The following GALNT14 variants were observed in gnomAD, a reference collection of about 807,000 sequenced individuals.
The protein encoded by GALNT14 is polypeptide N-acetylgalactosaminyltransferase 14.
Under a neutral mutation model 77.5 loss-of-function variants are expected in GALNT14, and 60 were observed. That is an observed-to-expected ratio of 0.77 (90% CI 0.63 to 0.96). GALNT14 has a LOEUF of 0.96. GALNT14 is among the 40% of genes least tolerant of loss of function. GALNT14 has a pLI of 0.00. For synonymous variants in GALNT14, 280 were observed against 281.7 expected, an observed-to-expected ratio of 0.99 and a Z score of 0.06; for missense variants, 710 against 731.0, an observed-to-expected ratio of 0.97 and a Z score of 0.33.
intron 1 of GALNT14, among the ~76,000 whole-genome samples, chr2:31,004,414 A>G (rs1670548976): frequency 1.3e-5 from 2 of 152,236 alleles, no homozygotes; most frequent in Non-Finnish European, 2.9e-5. Context: ...GGATGTAGGT[A>G]GAGCAAAGCT....
At chr2:31,035,947 A>G (rs556452886) in intron 1 of GALNT14, among the ~76,000 whole-genome samples, 4 of 152,110 alleles carry the variant, frequency 2.6e-5, no homozygotes, top group African/African-American at 9.7e-5. Context: ...AATGTGTTCA[A>G]TAAACTCCTA....
chr2:31,137,919 A>G lies in GALNT14; in HGVS notation c.129+39T>C, dbSNP rs1034504552. The G allele has an allele frequency of 5.7e-6, 9 of 1,579,210 alleles. No homozygotes were observed. In the African/African-American group the frequency reaches 6.8e-5, roughly 12 times the overall value. On this transcript the variant is annotated intron_variant, in intron 1 of 14. Transcript: ENST00000349752. Reference sequence around the variant, plus strand: ...CACGCGGGCTGCGCGCCCTCCCGCAAGCCACCGCTCAGCGCCAGCGCGCCG... The same window carrying G: ...CACGCGGGCTGCGCGCCCTCCCGCAGGCCACCGCTCAGCGCCAGCGCGCCG...
intron 9 of GALNT14, among the ~76,000 whole-genome samples, chr2:30,935,578 C>T (rs1371632122): frequency 6.6e-6 from 1 of 152,198 alleles, no homozygotes; most frequent in Non-Finnish European, 1.5e-5. Flanking sequence ...CGCTGTGCTG[C>T]TGCCAGAGTC....
At chr2:31,126,608 C>A (rs1256481903) in intron 1 of GALNT14, 3 of 152,214 alleles carry the variant, frequency 2.0e-5, no homozygotes, top group East Asian at 3.8e-4. Flanking sequence ...GATGCAGAAA[C>A]AAGAAGCGAG....
chr2:31,000,516 T>G (rs1670305539), intron 1 of GALNT14, among the ~76,000 whole-genome samples: 1 of 151,662 alleles, frequency 6.6e-6, no homozygotes, highest in Non-Finnish European at 1.5e-5. Context: ...ATTGGCTGAT[T>G]GATTTCTAGG....
At chr2:30,969,830 C>G (rs1438970304) in intron 2 of GALNT14, among the ~76,000 whole-genome samples, 3 of 152,188 alleles carry the variant, frequency 2.0e-5, no homozygotes, top group Admixed American at 6.5e-5. Context: ...GGGCCCAAGG[C>G]TCTCCTGCTA....
intron 1 of GALNT14, among the ~76,000 whole-genome samples, chr2:31,005,098 G>A (rs1206456389): frequency 6.6e-6 from 1 of 152,210 alleles, no homozygotes; most frequent in Non-Finnish European, 1.5e-5. Context: ...GACACTAAGG[G>A]AATACAAGGA....
At chr2:30,916,938 G>A (rs773703628) in intron 13 of GALNT14, among the ~76,000 whole-genome samples, 65 of 152,038 alleles carry the variant, frequency 4.3e-4, no homozygotes, top group Non-Finnish European at 6.2e-4. Flanking sequence ...TTAGCCAGGT[G>A]TGGTGGCACA....
chr2:31,040,357 G>A (rs1228375700), intron 1 of GALNT14, among the ~76,000 whole-genome samples: 1 of 152,204 alleles, frequency 6.6e-6, no homozygotes, highest in Non-Finnish European at 1.5e-5. Flanking sequence ...GCTAAAGGCA[G>A]AAGCTGCTGG....
At chr2:31,006,778 C>CT (rs1670699571) in intron 1 of GALNT14, among the ~76,000 whole-genome samples, 1 of 152,236 alleles carries the variant, frequency 6.6e-6, no homozygotes, top group Admixed American at 6.5e-5. Context: ...AAGACAGTTT[C>CT]AGAGTCAAGT....
intron 1 of GALNT14, among the ~76,000 whole-genome samples, chr2:31,007,427 C>A (rs1321140060): frequency 6.6e-6 from 1 of 152,112 alleles, no homozygotes; most frequent in Non-Finnish European, 1.5e-5. Context: ...AGTAATTGCT[C>A]CCCAAATGAC....
At chr2:30,930,255 G>A (rs1056107033) in intron 10 of GALNT14, among the ~76,000 whole-genome samples, 5 of 152,124 alleles carry the variant, frequency 3.3e-5, no homozygotes, top group African/African-American at 9.7e-5. Context: ...GGCTGTCCTC[G>A]GGCTCTTGCT....
At chr2:31,074,075 T>G (rs911969148) in intron 1 of GALNT14, among the ~76,000 whole-genome samples, 1 of 152,062 alleles carries the variant, frequency 6.6e-6, no homozygotes, top group East Asian at 1.9e-4. Context: ...AAGAGGTAAA[T>G]GTGGATGAGA....
intron 1 of GALNT14, among the ~76,000 whole-genome samples, chr2:31,037,271 C>A (rs1399932011): frequency 6.6e-6 from 1 of 152,178 alleles, no homozygotes; most frequent in Non-Finnish European, 1.5e-5. Context: ...TTGAGTCCCT[C>A]TAGTGAACTT....
chr2:31,056,620 C>A (rs1361963759), intron 1 of GALNT14, among the ~76,000 whole-genome samples: 2 of 152,174 alleles, frequency 1.3e-5, no homozygotes, highest in Non-Finnish European at 2.9e-5. Context: ...GAGGCCTTTA[C>A]ATCCCTTCTC....
intron 1 of GALNT14, among the ~76,000 whole-genome samples, chr2:31,065,847 G>A (rs376674066): frequency 1.9e-3 from 286 of 152,282 alleles, no homozygotes; most frequent in African/African-American, 6.5e-3. Context: ...CTGGGTTTGA[G>A]TTCCAGCTCA....
At chr2:30,892,459 G>A in the GALNT14 span, among the ~76,000 whole-genome samples, 1 of 152,180 alleles carries the variant, frequency 6.6e-6, no homozygotes. Flanking sequence ...CTGCTTGGGG[G>A]CAGTAGTGGA....
chr2:31,093,670 T>C (rs911074849), intron 1 of GALNT14, among the ~76,000 whole-genome samples: 5 of 152,240 alleles, frequency 3.3e-5, no homozygotes, highest in African/African-American at 1.2e-4. Flanking sequence ...AAATAATGAA[T>C]AGCACCGTTA....
intron 1 of GALNT14, among the ~76,000 whole-genome samples, chr2:31,000,362 C>A (rs376379135): frequency 4.0e-5 from 6 of 151,550 alleles, no homozygotes; most frequent in Middle Eastern, 6.9e-3. Context: ...AAGTATTATT[C>A]GTTTCCCATT....
Sources: allele counts gnomAD v4.1 joint callset (sites outside exome capture counted in the v4.1 genomes callset), GRCh38; gene constraint gnomAD v4.1.1; transcripts MANE v1.5; gene names NCBI Gene and HGNC (gene_info 2026-07-23, HGNC 2026-07-21).